RPS6KA3: variants seen among roughly 807,000 people sequenced by gnomAD.
RPS6KA3 encodes ribosomal protein S6 kinase alpha-3.
In RPS6KA3, 4 loss-of-function variants were observed where a neutral mutation model predicts 67.2. That is an observed-to-expected ratio of 0.06 (90% CI 0.03 to 0.14). The LOEUF is 0.14. Ranked by LOEUF, RPS6KA3 falls within the 10% of genes least tolerant of loss-of-function variation. The probability of loss-of-function intolerance (pLI) is 1.00; values close to 1 mark genes in which losing one functional copy is unlikely to be tolerated. For synonymous variants in RPS6KA3, 182 were observed against 183.7 expected (o/e 0.99, Z 0.07); for missense variants, 204 against 559.0 (o/e 0.36, Z 6.40).
At chrX:20,250,189 C>A (rs774497064) in intron 1 of RPS6KA3, among the ~76,000 whole-genome samples, 10 of 110,875 alleles carry the variant, frequency 9.0e-5, no homozygotes, top group Non-Finnish European at 1.9e-4. Context: ...TGGAAGGGTT[C>A]CTCCCATTTT....
At chrX:20,234,605 G>A (rs2069360092) in intron 2 of RPS6KA3, among the ~76,000 whole-genome samples, 153 bp downstream of exon 2, 1 of 111,814 alleles carries the variant, frequency 8.9e-6, no homozygotes, top group South Asian at 3.7e-4. Flanking sequence ...AAAGGTCCCT[G>A]GCATACTCAA....
chrX:20,230,494 C>G (rs768631671), intron 2 of RPS6KA3, among the ~76,000 whole-genome samples: 1 of 111,712 alleles, frequency 9.0e-6, no homozygotes, highest in Non-Finnish European at 1.9e-5. Flanking sequence ...GAAAAGAATT[C>G]TGGGAGAAGG....
intron 20 of RPS6KA3, 44 bp downstream of exon 20, chrX:20,161,600 A>C (rs759480877): frequency 5.8e-6 from 4 of 693,549 alleles, no homozygotes; most frequent in African/African-American, 2.2e-5. Flanking sequence ...ATGGATCATA[A>C]AAAGTTATTT....
chrX:20,240,218 A>C (rs763930963), intron 1 of RPS6KA3, among the ~76,000 whole-genome samples: 1 of 108,045 alleles, frequency 9.3e-6, no homozygotes, highest in Admixed American at 1.0e-4. Flanking sequence ...GAAGAGGAAA[A>C]GAAAAGATCC....
At chrX:20,169,641 T>G in intron 15 of RPS6KA3, 150 bp from the exon 16 acceptor site, 1 of 521,883 alleles carries the variant, frequency 1.9e-6, no homozygotes, top group Non-Finnish European at 3.5e-6. Context: ...CCTGGCCAGA[T>G]TGTTTAATCA....
chrX:20,242,138 AAC>A (rs1163330478), intron 1 of RPS6KA3, among the ~76,000 whole-genome samples: 1 of 111,847 alleles, frequency 8.9e-6, no homozygotes, highest in African/African-American at 3.2e-5. Context: ...TAAAAGAAAA[AAC>A]ACTTCAGAAA....
At chrX:20,221,164 T>C (rs998276603) in intron 2 of RPS6KA3, among the ~76,000 whole-genome samples, 4 of 111,647 alleles carry the variant, frequency 3.6e-5, no homozygotes, top group African/African-American at 1.3e-4. Context: ...AATCTTGAGA[T>C]TAATACCAAA....
chrX:20,192,651 G>A (rs2068168441), intron 7 of RPS6KA3, among the ~76,000 whole-genome samples: 2 of 89,418 alleles, frequency 2.2e-5, no homozygotes, highest in South Asian at 5.8e-4. Context: ...CCAGGCTGGA[G>A]ATGCAACAGA....
chrX:20,210,058 A>G (rs1003679425), intron 2 of RPS6KA3, among the ~76,000 whole-genome samples: 6 of 112,335 alleles, frequency 5.3e-5, no homozygotes, highest in Non-Finnish European at 1.1e-4. Context: ...ATAATCAGAC[A>G]TGGAAAAAAA....
At chrX:20,168,018 T>C (rs758961540) in intron 16 of RPS6KA3, among the ~76,000 whole-genome samples, 3 of 112,014 alleles carry the variant, frequency 2.7e-5, no homozygotes, top group South Asian at 3.7e-4. Flanking sequence ...TGGCTAATTT[T>C]TGCATTTTTT....
chrX:20,188,592 G>T, intron 7 of RPS6KA3, 58 bp from the exon 8 acceptor site: 1 of 612,822 alleles, frequency 1.6e-6, no homozygotes, highest in Non-Finnish European at 2.7e-6. Flanking sequence ...TAGAAGCTAA[G>T]ACTGAAATTA....
At chrX:20,164,785 CTAAT>C in intron 18 of RPS6KA3, 110 bp downstream of exon 18, 1 of 604,976 alleles carries the variant, frequency 1.7e-6, no homozygotes, top group Admixed American at 2.7e-5. Context: ...GCATTTTATC[CTAAT>C]TATTTCTTCA....
chrX:20,219,888 C>T (rs1406618682), intron 2 of RPS6KA3, among the ~76,000 whole-genome samples: 1 of 111,455 alleles, frequency 9.0e-6, no homozygotes, highest in African/African-American at 3.3e-5. Context: ...TATGTGGAAC[C>T]AACAAAAACC....
At chrX:20,263,973 C>T (rs2070305229) in intron 1 of RPS6KA3, among the ~76,000 whole-genome samples, 1 of 111,510 alleles carries the variant, frequency 9.0e-6, no homozygotes, top group Admixed American at 9.5e-5. Context: ...CTAAAAAAAA[C>T]TATGTTACTC....
intron 2 of RPS6KA3, among the ~76,000 whole-genome samples, chrX:20,215,212 AGTGTGTGT>A (rs573108148): frequency 6.6e-5 from 7 of 105,638 alleles, no homozygotes; most frequent in Non-Finnish European, 1.4e-4. Context: ...TCCTTTTCTT[AGTGTGTGT>A]GTGTGTGTGT....
intron 20 of RPS6KA3, 67 bp downstream of exon 20, chrX:20,161,577 A>T: frequency 2.0e-6 from 1 of 494,289 alleles, no homozygotes; most frequent in Non-Finnish European, 3.4e-6. Context: ...AACTGGTAGT[A>T]TTTCTTCTCA....
At chrX:20,196,253 G>A (rs1390830214) in intron 4 of RPS6KA3, among the ~76,000 whole-genome samples, 1 of 113,169 alleles carries the variant, frequency 8.8e-6, no homozygotes, top group East Asian at 2.8e-4. Flanking sequence ...GAAATGGGGA[G>A]GATCCAGATT....
chrX:20,195,062 T>C lies in RPS6KA3; in HGVS notation c.406+3A>G. 1 of 1,166,756 alleles carries C rather than the reference T, an allele frequency of 8.6e-7. No homozygotes were observed. Among genetic ancestry groups the C allele is most frequent in the Non-Finnish European group, 1.2e-6 (1 of 854,804 alleles). ...GATGATGTGGGAGACGGCTCATACTTACCATAATGCAACTTGACAATAAAA... is the reference window on the plus strand; with the variant it reads ...GATGATGTGGGAGACGGCTCATACTCACCATAATGCAACTTGACAATAAAA... On this transcript the variant is annotated splice_donor_region_variant and intron_variant, in intron 5 of 21. Coordinates refer to ENST00000379565, the MANE Select transcript of RPS6KA3 (RefSeq NM_004586.3).
chrX:20,247,911 AATTAC>A (rs2069744432), intron 1 of RPS6KA3, among the ~76,000 whole-genome samples: 1 of 112,447 alleles, frequency 8.9e-6, no homozygotes, highest in South Asian at 3.6e-4. Flanking sequence ...AAGTAATTTA[AATTAC>A]ATTAAAGAAC....
Sources: allele counts gnomAD v4.1 joint callset (sites outside exome capture counted in the v4.1 genomes callset), GRCh38; gene constraint gnomAD v4.1.1; transcripts MANE v1.5; gene names NCBI Gene and HGNC (gene_info 2026-07-23, HGNC 2026-07-21).